Variants in ADORA2B observed in about 807,000 individuals in gnomAD.
The protein encoded by ADORA2B is adenosine receptor A2b.
In ADORA2B, 18 loss-of-function variants were observed where a neutral mutation model predicts 20.8. The observed-to-expected ratio is 0.87, with a 90% CI of 0.60 to 1.29. The LOEUF is 1.29. ADORA2B is among the 50% of genes most tolerant of loss of function. ADORA2B has a pLI of 0.00. For missense variants in ADORA2B, 441 were observed against 422.7 expected, an observed-to-expected ratio of 1.04 and a Z score of -0.38; for synonymous variants, 179 against 178.3, an observed-to-expected ratio of 1.00 and a Z score of -0.03.
chr17:15,869,930 T>A, the ADORA2B span, among the ~76,000 whole-genome samples: 31,946 of 152,226 alleles, frequency 0.21, 3,945 homozygotes, highest in Non-Finnish European at 0.28. Context: ...ATAAAAGTGA[T>A]CATTTTATAT....
At chr17:15,934,596 T>C in the ADORA2B span, among the ~76,000 whole-genome samples, 2 of 152,174 alleles carry the variant, frequency 1.3e-5, no homozygotes, top group Non-Finnish European at 2.9e-5. Context: ...ATAGGTATTA[T>C]CTAGTGTACC....
chr17:15,919,249 C>T, the ADORA2B span, among the ~76,000 whole-genome samples: 1 of 152,050 alleles, frequency 6.6e-6, no homozygotes, highest in Non-Finnish European at 1.5e-5. Flanking sequence ...TGGTAGGAAC[C>T]AATTTGGATT....
chr17:15,951,298 AG>A (rs1969898987), intron 1 of ADORA2B, among the ~76,000 whole-genome samples: 1 of 152,244 alleles, frequency 6.6e-6, no homozygotes, highest in African/African-American at 2.4e-5. Context: ...GGCAGCCAGC[AG>A]GGGCTGTGGG....
chr17:15,941,477 C>G (rs980828047), upstream of ADORA2B, among the ~76,000 whole-genome samples: 1 of 152,094 alleles, frequency 6.6e-6, no homozygotes, highest in Non-Finnish European at 1.5e-5. Context: ...CTTGTAATCC[C>G]GGCACTTTGG....
At chr17:15,880,158 C>G in the ADORA2B span, among the ~76,000 whole-genome samples, 15 of 142,222 alleles carry the variant, frequency 1.1e-4, 1 homozygote, top group South Asian at 3.3e-3. Flanking sequence ...CAGTGTCTCT[C>G]ATCCCCTGTG....
chr17:15,888,332 G>A, the ADORA2B span, among the ~76,000 whole-genome samples: 3 of 129,274 alleles, frequency 2.3e-5, no homozygotes, highest in Admixed American at 7.6e-5. Context: ...GGCTGGGACT[G>A]TGGGGTCGCC....
At chr17:15,853,515 TGAG>T in the ADORA2B span, among the ~76,000 whole-genome samples, 123 of 152,268 alleles carry the variant, frequency 8.1e-4, no homozygotes, top group Admixed American at 2.2e-3. Flanking sequence ...AAAACAGTGA[TGAG>T]GAGATTACAG....
At chr17:15,891,425 T>C in the ADORA2B span, among the ~76,000 whole-genome samples, 1 of 152,250 alleles carries the variant, frequency 6.6e-6, no homozygotes, top group African/African-American at 2.4e-5. Flanking sequence ...CTTTGTATTC[T>C]CTCTCACCAG....
the ADORA2B span, among the ~76,000 whole-genome samples, chr17:15,930,569 T>G: frequency 9.2e-3 from 1,394 of 152,294 alleles, 30 homozygotes; most frequent in African/African-American, 0.032. Context: ...GTTCTGGGAT[T>G]ACAGACGTGA....
At position 15,945,523 on chromosome 17, in the gene ADORA2B, C is replaced by T. The variant is rs749186713; in HGVS notation, c.275C>T (p.Ser92Phe). ...TTCGTGCTGGTGCTCACGCAGAGCT[C>T]CATCTTCAGCCTTCTGGCCGTGGCA... is the stretch of plus-strand genomic sequence containing the variant. Reference protein sequence around the residue: ...ACFVLVLTQSSIFSLLAVAVD... With the variant: ...ACFVLVLTQSFIFSLLAVAVD... The change falls in exon 1 of 2, where the codon TCC becomes TTC. Residue 92 changes from serine (S) to phenylalanine (F), a missense_variant. Ser to Phe is a radical substitution (Grantham distance 155). Transcript: ENST00000304222. 5 of 1,605,040 alleles carry T rather than the reference C, an allele frequency of 3.1e-6. No homozygotes were observed. In the South Asian group the frequency reaches 5.6e-5, roughly 18 times the overall value.
chr17:15,882,633 C>T, the ADORA2B span, among the ~76,000 whole-genome samples: 1 of 152,098 alleles, frequency 6.6e-6, no homozygotes, highest in African/African-American at 2.4e-5. Flanking sequence ...GGCTTTCCAG[C>T]GTCATTTGAA....
intron 1 of ADORA2B, among the ~76,000 whole-genome samples, chr17:15,946,904 A>G (rs1969814156): frequency 6.6e-6 from 1 of 152,142 alleles, no homozygotes; most frequent in Admixed American, 6.5e-5. Flanking sequence ...CCTGCAGTAA[A>G]CTGGTGGTTG....
the ADORA2B span, among the ~76,000 whole-genome samples, chr17:15,936,571 C>T: frequency 6.6e-6 from 1 of 151,984 alleles, no homozygotes; most frequent in Non-Finnish European, 1.5e-5. Context: ...CCACCCACCT[C>T]AGCCTCCCAG....
the ADORA2B span, among the ~76,000 whole-genome samples, chr17:15,921,170 T>A: frequency 7.3e-6 from 1 of 137,840 alleles, no homozygotes; most frequent in African/African-American, 3.0e-5. Flanking sequence ...AATGGAAACC[T>A]GTTTCCAGAA....
chr17:15,921,921 A>G, the ADORA2B span, among the ~76,000 whole-genome samples: 2 of 152,166 alleles, frequency 1.3e-5, no homozygotes, highest in African/African-American at 4.8e-5. Context: ...CTCATGTGAC[A>G]CTTTCTGTTA....
At chr17:15,858,436 C>T in the ADORA2B span, among the ~76,000 whole-genome samples, 1 of 152,134 alleles carries the variant, frequency 6.6e-6, no homozygotes, top group Admixed American at 6.5e-5. Flanking sequence ...AGAGAACATT[C>T]CAGGAAAGAT....
Position 15,975,325 on chromosome 17 carries a change from C to A in ADORA2B, c.982C>A (p.Leu328Ile). 6.2e-7 allele frequency: 1 copy of A among 1,611,940 alleles called. No individual in the cohort carries two copies. Among genetic ancestry groups the A allele is most frequent in the South Asian group, 1.1e-5 (1 of 91,060 alleles). ...GNGQAGVQPA[L>I]GVGL ...TGGTCAGGCTGGGGTACAGCCTGCTCTCGGTGTGGGCCTATGATCTAGGCT... is the reference window on the plus strand; with the variant it reads ...TGGTCAGGCTGGGGTACAGCCTGCTATCGGTGTGGGCCTATGATCTAGGCT... The change falls in exon 2 of 2, where the codon CTC becomes ATC. Residue 328 changes from leucine (L) to isoleucine (I), a missense_variant. Physicochemically the swap from Leu to Ile is conservative, Grantham distance 5. Coordinates refer to ENST00000304222, the MANE Select transcript of ADORA2B (RefSeq NM_000676.4).
chr17:15,925,602 CTG>C, the ADORA2B span, among the ~76,000 whole-genome samples: 7 of 152,186 alleles, frequency 4.6e-5, no homozygotes, highest in Non-Finnish European at 1.0e-4. Flanking sequence ...TTAGTGAACT[CTG>C]TGTCAGGATT....
the ADORA2B span, among the ~76,000 whole-genome samples, chr17:15,906,018 T>A: frequency 6.6e-6 from 1 of 152,262 alleles, no homozygotes; most frequent in African/African-American, 2.4e-5. Context: ...GTAAACCCTT[T>A]GGGGTTTTCT....
Sources: allele counts gnomAD v4.1 joint callset (sites outside exome capture counted in the v4.1 genomes callset), GRCh38; gene constraint gnomAD v4.1.1; transcripts MANE v1.5; gene names NCBI Gene and HGNC (gene_info 2026-07-23, HGNC 2026-07-21).